The following RNPEPL1 variants were observed in gnomAD, a reference collection of about 807,000 sequenced individuals.
RNPEPL1 encodes arginyl aminopeptidase like 1.
A neutral mutation model predicts 69.0 loss-of-function variants in RNPEPL1; 46 were observed. That is an observed-to-expected ratio of 0.67 (90% CI 0.53 to 0.85). The LOEUF (loss-of-function observed/expected upper bound fraction) is 0.85. Among genes scored for constraint, RNPEPL1 ranks in the 40% least tolerant of loss-of-function variants. The probability of loss-of-function intolerance (pLI) is 0.00; values close to 1 mark genes in which losing one functional copy is unlikely to be tolerated. For missense variants in RNPEPL1, 869 were observed against 992.5 expected, an observed-to-expected ratio of 0.88 and a Z score of 1.67; for synonymous variants, 525 against 454.1, an observed-to-expected ratio of 1.16 and a Z score of -1.98.
At position 240,574,212 on chromosome 2, in the gene RNPEPL1, C is replaced by T. The variant is rs765045975; in HGVS notation, c.1038C>T (p.Phe346=). ...IISSILESDE[F]LVIDVIHEVA... ...CCTCCATCCTGGAGAGCGATGAGTT[C>T]CTGGTCATCGATGTCATCCACGAGG... Residue 346 remains phenylalanine, a synonymous_variant, in exon 5 of 11, where the codon TTC becomes TTT. Transcript: ENST00000270357. The T allele has an allele frequency of 2.5e-6, 4 of 1,613,480 alleles. No individual in the cohort carries two copies. The South Asian group carries it at 4.4e-5, about 18-fold the overall frequency.
At chr2:240,574,050 CG>C in intron 4 of RNPEPL1, 62 bp from the exon 5 acceptor site, 1 of 1,479,270 alleles carries the variant, frequency 6.8e-7, no homozygotes, top group South Asian at 1.2e-5. Flanking sequence ...AGGTGGGGTG[CG>C]GGTGTGCAGG....
In RNPEPL1 at chr2:240,573,905, A is replaced by T; in HGVS notation, c.938+14A>T. The T allele has an allele frequency of 6.4e-7, 1 of 1,572,768 alleles. No homozygotes were observed. The highest frequency in any genetic ancestry group is 2.3e-5 in the East Asian group (1 of 42,964). ...CATGTGGGGCAGGTAGGCCCCGGGG[A>T]CCTGTGGACCTGGCTGGCTGGAAGG... On this transcript the variant is annotated intron_variant, in intron 4 of 10. Coordinates refer to ENST00000270357, the MANE Select transcript of RNPEPL1 (RefSeq NM_018226.6).
intron 4 of RNPEPL1, 42 bp from the exon 5 acceptor site, chr2:240,574,071 T>G: frequency 6.4e-7 from 1 of 1,570,590 alleles, no homozygotes. Context: ...GGTGGGAGTC[T>G]GAGCCCCGAG....
In RNPEPL1 at chr2:240,568,703, C is replaced by G; in HGVS notation, c.117C>G (p.Phe39Leu). Residue 39 changes from phenylalanine (F) to leucine (L), a missense_variant, in exon 1 of 11, where the codon TTC becomes TTG. This residue lies in a region of RNPEPL1 where 259 missense variants were observed against 201.5 expected (regional missense o/e 1.29). Coordinates refer to ENST00000270357, the MANE Select transcript of RNPEPL1 (RefSeq NM_018226.6). This position sits in a 1 kb window ranked among gnomAD's most constrained non-coding sequence, Gnocchi z 6.2. ...CCTCGGCCTCCAGCGCGCAGCTCTTCCGCCTCCGCCACCTGCAGCTGGGCC... is the reference window on the plus strand; with the variant it reads ...CCTCGGCCTCCAGCGCGCAGCTCTTGCGCCTCCGCCACCTGCAGCTGGGCC... Reference protein sequence around the residue: ...DVASASSAQLFRLRHLQLGLE... With the variant: ...DVASASSAQLLRLRHLQLGLE... 9.4e-7 allele frequency: 1 copy of G among 1,065,800 alleles called. No homozygotes were observed. The highest frequency in any genetic ancestry group is 1.1e-6 in the Non-Finnish European group (1 of 876,902). 66.0% of individuals were successfully genotyped at this position (1,065,800 alleles called of 1,614,324 possible).
rs778366455 is a variant in RNPEPL1 at position 240,575,494 on chromosome 2, C to T, written c.1402-8C>T. The T allele has an allele frequency of 8.1e-6, 13 of 1,611,600 alleles. No individual in the cohort carries two copies. The East Asian group carries it at 1.8e-4, about 22-fold the overall frequency. Reference sequence around the variant, plus strand: ...CAGGCCTGCTGAGGCCCCACCTCTGCCACACAGGCCTATGTGGAGAAGTAC... The same window carrying T: ...CAGGCCTGCTGAGGCCCCACCTCTGTCACACAGGCCTATGTGGAGAAGTAC... On this transcript the variant is annotated splice_region_variant and splice_polypyrimidine_tract_variant and intron_variant, in intron 7 of 10. Coordinates refer to ENST00000270357, the MANE Select transcript of RNPEPL1 (RefSeq NM_018226.6).
rs773716288 is a variant in RNPEPL1 at position 240,577,693 on chromosome 2, G to A, written c.1979G>A (p.Arg660Gln). 31 of 1,612,698 alleles carry A rather than the reference G, an allele frequency of 1.9e-5. No homozygotes were observed. The highest frequency in any genetic ancestry group is 1.6e-4 in the South Asian group (15 of 91,026). The stretch of plus-strand genomic sequence containing the variant: ...GAGGTCTTCTACCAGACGCAGGGCC[G>A]GCTGCACCCCAACCTGCGCAGAGCC... ...ALEVFYQTQG[R>Q]LHPNLRRAIQ... Residue 660 changes from arginine to glutamine, a missense_variant, in exon 11 of 11, where the codon CGG becomes CAG. Coordinates refer to ENST00000270357, the MANE Select transcript of RNPEPL1 (RefSeq NM_018226.6).
At chr2:240,572,659 C>T in intron 2 of RNPEPL1, 96 bp downstream of exon 2, 3 of 1,433,846 alleles carry the variant, frequency 2.1e-6, no homozygotes, top group Non-Finnish European at 2.8e-6. Flanking sequence ...TGGGCTGTGG[C>T]CCCAGCTGCC....
chr2:240,574,257 C>T lies in RNPEPL1; in HGVS notation c.1083C>T (p.Gly361=). The T allele has an allele frequency of 6.2e-7, 1 of 1,612,722 alleles. No homozygotes were observed. Among genetic ancestry groups the T allele is most frequent in the Non-Finnish European group, 8.5e-7 (1 of 1,179,954 alleles). Residue 361 remains glycine (G), a synonymous_variant, in exon 5 of 11, where the codon GGC becomes GGT. Transcript: ENST00000270357. Reference sequence around the variant, plus strand: ...ACGAGGTGGCCCACAGTTGGTTCGGCAACGCTGTCACCAACGCCACGTGGG... The same window carrying T: ...ACGAGGTGGCCCACAGTTGGTTCGGTAACGCTGTCACCAACGCCACGTGGG... ...VIHEVAHSWF[G]NAVTNATWEE...
Position 240,581,346 on chromosome 2 carries a change from A to G in RNPEPL1, c.*3454A>G, listed in dbSNP as rs1014716099. 3 of 152,260 alleles carry G rather than the reference A, an allele frequency of 2.0e-5. No individual in the cohort carries two copies. The highest frequency in any genetic ancestry group is 6.5e-5 in the Admixed American group (1 of 15,288). The allele number at this position is 152,260 out of a possible 1,614,324, so 9.4% of individuals were successfully genotyped here. ...GACCCTGGAAATTTTTTAAAAAGCAATTACTAAAATAAAAAATGAAAACTC... is the reference window on the plus strand; with the variant it reads ...GACCCTGGAAATTTTTTAAAAAGCAGTTACTAAAATAAAAAATGAAAACTC... On this transcript the variant is annotated 3_prime_UTR_variant, in exon 11 of 11. Coordinates refer to ENST00000270357, the MANE Select transcript of RNPEPL1 (RefSeq NM_018226.6).
chr2:240,570,455 C>G (rs1012749629), intron 1 of RNPEPL1, among the ~76,000 whole-genome samples: 1 of 152,234 alleles, frequency 6.6e-6, no homozygotes, highest in African/African-American at 2.4e-5. Context: ...GTATTCGACT[C>G]TAACCTCAGG....
intron 1 of RNPEPL1, 107 bp from the exon 2 acceptor site, chr2:240,572,316 A>G (rs2093024083): frequency 4.6e-6 from 6 of 1,316,150 alleles, no homozygotes; most frequent in Non-Finnish European, 6.2e-6. Flanking sequence ...TAATCTGGCC[A>G]TTGTCCCCTC....
At chr2:240,573,620 C>A (rs1460241440) in intron 3 of RNPEPL1, among the ~76,000 whole-genome samples, 155 bp from the exon 4 acceptor site, 1 of 152,350 alleles carries the variant, frequency 6.6e-6, no homozygotes, top group East Asian at 1.9e-4. Flanking sequence ...GGGTGGCTGC[C>A]CATCCAGTGA....
chr2:240,576,444 C>T lies in RNPEPL1; in HGVS notation c.1511-91C>T, dbSNP rs1311459798. ...CCTGGAACAGGCCACCTGCCTGGAA[C>T]ACACTCAGGGTCTGGGGTCTCCTGG... is the stretch of plus-strand genomic sequence containing the variant. On this transcript the variant is annotated intron_variant, in intron 8 of 10. Transcript: ENST00000270357. 6 of 1,247,040 alleles carry T rather than the reference C, an allele frequency of 4.8e-6. No individual in the cohort carries two copies. The Admixed American group carries it at 9.2e-5, about 19-fold the overall frequency. The allele number at this position is 1,247,040 out of a possible 1,614,324, so 77.2% of individuals were successfully genotyped here.
Position 240,581,157 on chromosome 2 carries a change from CAA to C in RNPEPL1, c.*3267_*3268del. On this transcript the variant is annotated 3_prime_UTR_variant, in exon 11 of 11. Transcript: ENST00000270357. ...GTGAAGGAAAACAGGCCACTCAACC[CAA>C]ACTTACACCTGAGACAGAGGCAACA... 6.6e-6 allele frequency: 1 copy of C among 152,172 alleles called. No homozygotes were observed. The allele number at this position is 152,172 out of a possible 1,614,324, so 9.4% of individuals were successfully genotyped here.
intron 6 of RNPEPL1, 21 bp downstream of exon 6, chr2:240,574,649 G>A (rs377705274): frequency 3.8e-5 from 60 of 1,587,464 alleles, no homozygotes; most frequent in Middle Eastern, 3.3e-4. Context: ...CTCAGGACCC[G>A]CTCCCACAAC....
rs1366442927 is a variant in RNPEPL1, at chr2:240,579,122, G to A, written c.*1230G>A. On this transcript the variant is annotated 3_prime_UTR_variant, in exon 11 of 11. Coordinates refer to ENST00000270357, the MANE Select transcript of RNPEPL1 (RefSeq NM_018226.6). ...GCCCTTCACAGTCCCCAAGGATGTG[G>A]CGCCACCATCTCAGTGCCACGCACA... 3 of 152,218 alleles carry A rather than the reference G, an allele frequency of 2.0e-5. No homozygotes were observed. The highest frequency in any genetic ancestry group is 7.2e-5 in the African/African-American group (3 of 41,430). The allele number at this position is 152,218 out of a possible 1,614,324, so 9.4% of individuals were successfully genotyped here. A position where few individuals can be genotyped will look rare whatever the true frequency, so the allele number is the denominator to read the frequency against.
chr2:240,575,217 C>T (rs1465961181), intron 7 of RNPEPL1, 75 bp downstream of exon 7: 2 of 1,190,202 alleles, frequency 1.7e-6, no homozygotes, highest in African/African-American at 1.5e-5. Flanking sequence ...GGGCTGCCTG[C>T]TCTTGCGGCA....
chr2:240,573,705 T>C (rs1575436988), intron 3 of RNPEPL1, 70 bp from the exon 4 acceptor site: 1 of 1,305,328 alleles, frequency 7.7e-7, no homozygotes, highest in Non-Finnish European at 1.0e-6. Context: ...CCCAGGGCAG[T>C]GGGAGAGCCT....
intron 7 of RNPEPL1, 73 bp from the exon 8 acceptor site, chr2:240,575,429 C>T (rs367852108): frequency 4.6e-6 from 6 of 1,293,166 alleles, no homozygotes; most frequent in East Asian, 2.3e-5. Flanking sequence ...CCTGCAGTGC[C>T]CTGCAGGCCT....
Sources: gnomAD v4.1 joint callset for allele counts (sites outside exome capture counted in the v4.1 genomes callset) on GRCh38, gnomAD v4.1.1 for gene constraint, gnomAD v4.1.1 regional missense constraint, Gnocchi (gnomAD v3.1) non-coding constraint, MANE v1.5 for transcripts, NCBI Gene and HGNC (gene_info 2026-07-23, HGNC 2026-07-21) for gene names.